The following ZBTB20 variants were observed in gnomAD, a reference collection of about 807,000 sequenced individuals.
The protein encoded by ZBTB20 is zinc finger and BTB domain-containing protein 20.
ZBTB20 carries 9 observed loss-of-function variants against 56.9 expected under a neutral mutation model. The observed-to-expected ratio is 0.16, with a 90% confidence interval of 0.10 to 0.28. ZBTB20 has a LOEUF of 0.28. ZBTB20 is among the 10% of genes least tolerant of loss of function. ZBTB20 has a pLI of 1.00. For missense variants in ZBTB20, 655 were observed against 1,003.0 expected, an observed-to-expected ratio of 0.65 and a Z score of 4.69; for synonymous variants, 417 against 420.7, an observed-to-expected ratio of 0.99 and a Z score of 0.11.
intron 4 of ZBTB20, among the ~76,000 whole-genome samples, chr3:114,815,961 G>A (rs1384672081): frequency 6.6e-6 from 1 of 151,874 alleles, no homozygotes; most frequent in Non-Finnish European, 1.5e-5. Flanking sequence ...TTAATATGAA[G>A]AACTGAGAGT....
intron 6 of ZBTB20, among the ~76,000 whole-genome samples, chr3:114,580,424 C>G (rs913270049): frequency 6.6e-6 from 1 of 151,554 alleles, no homozygotes; most frequent in Non-Finnish European, 1.5e-5. Flanking sequence ...AAAACATTTC[C>G]ATTAAAATAA....
intron 7 of ZBTB20, among the ~76,000 whole-genome samples, chr3:114,456,592 T>C (rs1055360886): frequency 3.9e-5 from 6 of 152,198 alleles, no homozygotes; most frequent in African/African-American, 1.4e-4. Context: ...CTTTCCAATA[T>C]ATTTCAATTG....
Position 114,970,247 on chromosome 3 carries a change from G to A in ZBTB20, c.-456+4119C>T, listed in dbSNP as rs185414350. Reference sequence around the variant, plus strand: ...AAATTCACTAATTAGTTGTGGGTACGGGTTAGTATTACAAAGGTATGTTGA... The same window carrying A: ...AAATTCACTAATTAGTTGTGGGTACAGGTTAGTATTACAAAGGTATGTTGA... On this transcript the variant is annotated intron_variant, in intron 3 of 11. Coordinates refer to ENST00000675478, the MANE Select transcript of ZBTB20 (RefSeq NM_001348800.3). Among the ~76,000 whole-genome samples the A allele has an allele frequency of 1.1e-4, 17 of 152,246 alleles. No individual in the cohort carries two copies. The East Asian group carries it at 1.9e-3, about 17-fold the overall frequency.
chr3:114,942,797 C>T (rs2076763555), intron 3 of ZBTB20, among the ~76,000 whole-genome samples: 3 of 145,382 alleles, frequency 2.1e-5, no homozygotes, highest in Admixed American at 2.0e-4. Context: ...CTAAGTAGAA[C>T]AGAATGCGAG....
At chr3:114,880,199 C>T (rs891356252) in intron 4 of ZBTB20, among the ~76,000 whole-genome samples, 1 of 152,120 alleles carries the variant, frequency 6.6e-6, no homozygotes, top group African/African-American at 2.4e-5. Flanking sequence ...AGGGTCAGGC[C>T]ACTGCCTTAA....
intron 2 of ZBTB20, among the ~76,000 whole-genome samples, chr3:114,981,925 AG>A (rs1200284233): frequency 6.6e-6 from 1 of 152,046 alleles, no homozygotes; most frequent in African/African-American, 2.4e-5. Flanking sequence ...CTACCATGCA[AG>A]GAACTTTCAT....
intron 3 of ZBTB20, among the ~76,000 whole-genome samples, chr3:114,925,115 C>G (rs1166625675): frequency 6.6e-6 from 1 of 151,154 alleles, no homozygotes; most frequent in Non-Finnish European, 1.5e-5. Flanking sequence ...TCCCTAGTAG[C>G]TGGAATTACA....
chr3:115,005,536 T>A (rs990704580), intron 2 of ZBTB20, among the ~76,000 whole-genome samples: 1 of 151,830 alleles, frequency 6.6e-6, no homozygotes, highest in Non-Finnish European at 1.5e-5. Context: ...TCCTACCTTA[T>A]GTCAGGTACT....
At chr3:114,531,822 G>A (rs558138080) in intron 6 of ZBTB20, among the ~76,000 whole-genome samples, 2 of 152,288 alleles carry the variant, frequency 1.3e-5, no homozygotes, top group South Asian at 4.1e-4. Context: ...TAGACAGTGG[G>A]TGCAGCCCAC....
In ZBTB20 at chr3:114,648,397, G is replaced by A. The variant is rs181191084; in HGVS notation, c.-295+45131C>T. On this transcript the variant is annotated intron_variant, in intron 6 of 11. Transcript: ENST00000675478. Reference sequence around the variant, plus strand: ...ATGAGCTAAGTGTCACCAGATAAACGAGAAGACATAATAATCTTTATTTAT... The same window carrying A: ...ATGAGCTAAGTGTCACCAGATAAACAAGAAGACATAATAATCTTTATTTAT... Among the ~76,000 whole-genome samples, 243 of 151,792 alleles carry A rather than the reference G, an allele frequency of 1.6e-3. 1 individual carries two copies. Among genetic ancestry groups the A allele is most frequent in the Non-Finnish European group, 2.4e-3 (162 of 67,794 alleles).
At chr3:114,365,335 T>G (rs1289567476) in intron 10 of ZBTB20, among the ~76,000 whole-genome samples, 1 of 152,204 alleles carries the variant, frequency 6.6e-6, no homozygotes, top group African/African-American at 2.4e-5. Context: ...TACACATCCA[T>G]CTACTGTCCA....
At position 114,525,815 on chromosome 3, in the gene ZBTB20, T is replaced by A. The variant is rs533045178; in HGVS notation, c.-294-25424A>T. Among the ~76,000 whole-genome samples the A allele has an allele frequency of 3.3e-5, 5 of 152,342 alleles. No homozygotes were observed. In the East Asian group the frequency reaches 9.6e-4, roughly 29 times the overall value. ...TCCATCTTCCTCAACAAACATTTTC[T>A]ACCTTTTACCCTGCTGTTAGCTAAA... On this transcript the variant is annotated intron_variant, in intron 6 of 11. Coordinates refer to ENST00000675478, the MANE Select transcript of ZBTB20 (RefSeq NM_001348800.3).
intron 3 of ZBTB20, among the ~76,000 whole-genome samples, chr3:114,964,721 G>T (rs780580611): frequency 2.0e-5 from 3 of 152,092 alleles, no homozygotes; most frequent in Non-Finnish European, 2.9e-5. Flanking sequence ...AGATATGGGA[G>T]TTTGGAAGTT....
chr3:114,468,267 A>C (rs2092628084), intron 7 of ZBTB20, among the ~76,000 whole-genome samples: 1 of 152,192 alleles, frequency 6.6e-6, no homozygotes, highest in African/African-American at 2.4e-5. Context: ...GAATAAAGGT[A>C]AGAAGGAAAA....
At chr3:114,772,173 C>T (rs954306920) in intron 5 of ZBTB20, among the ~76,000 whole-genome samples, 3 of 151,998 alleles carry the variant, frequency 2.0e-5, no homozygotes, top group Non-Finnish European at 4.4e-5. Context: ...AACCCCGTCT[C>T]TACTAAAAAT....
At chr3:115,076,295 T>G (rs1402501858) in intron 1 of ZBTB20, among the ~76,000 whole-genome samples, 1 of 152,160 alleles carries the variant, frequency 6.6e-6, no homozygotes, top group Non-Finnish European at 1.5e-5. Flanking sequence ...CACATTTTAT[T>G]GCTTCAAAAT....
At chr3:114,565,633 C>T (rs987283213) in intron 6 of ZBTB20, among the ~76,000 whole-genome samples, 5 of 152,114 alleles carry the variant, frequency 3.3e-5, no homozygotes, top group Admixed American at 1.3e-4. Context: ...AATACGGTAG[C>T]GATAACTAAA....
At chr3:114,890,964 C>T (rs2076784455) in intron 4 of ZBTB20, among the ~76,000 whole-genome samples, 1 of 152,008 alleles carries the variant, frequency 6.6e-6, no homozygotes, top group African/African-American at 2.4e-5. Flanking sequence ...TTTCTATTTC[C>T]TTATGTCCTA....
intron 7 of ZBTB20, among the ~76,000 whole-genome samples, chr3:114,464,424 C>T (rs548922448): frequency 2.0e-5 from 3 of 152,296 alleles, no homozygotes; most frequent in African/African-American, 7.2e-5. Context: ...TCATTCTGCA[C>T]AGTGATGGTG....
Sources: allele counts gnomAD v4.1 joint callset (sites outside exome capture counted in the v4.1 genomes callset), GRCh38; gene constraint gnomAD v4.1.1; transcripts MANE v1.5; gene names NCBI Gene and HGNC (gene_info 2026-07-23, HGNC 2026-07-21).